Variants in HS3ST4 observed in about 807,000 individuals in gnomAD.
The protein encoded by HS3ST4 is heparan sulfate glucosamine 3-O-sulfotransferase 4.
In HS3ST4, 17 loss-of-function variants were observed where a neutral mutation model predicts 29.2. The ratio of observed to expected loss-of-function variants is 0.58; its 90% CI spans 0.40 to 0.87. HS3ST4 has a LOEUF of 0.87. Ranked by LOEUF, HS3ST4 falls within the 40% of genes least tolerant of loss-of-function variation. HS3ST4 has a pLI of 0.00. For missense variants in HS3ST4, 627 were observed against 634.5 expected, an observed-to-expected ratio of 0.99 and a Z score of 0.13; for synonymous variants, 314 against 285.7, an observed-to-expected ratio of 1.10 and a Z score of -1.00.
At chr16:25,783,517 C>T (rs905639325) in intron 1 of HS3ST4, among the ~76,000 whole-genome samples, 10 of 150,920 alleles carry the variant, frequency 6.6e-5, no homozygotes, top group African/African-American at 1.7e-4. Flanking sequence ...TTCCTGCATT[C>T]CAGACTCTTG....
intron 1 of HS3ST4, among the ~76,000 whole-genome samples, chr16:25,848,658 A>G (rs1967489574): frequency 6.6e-6 from 1 of 151,976 alleles, no homozygotes; most frequent in Non-Finnish European, 1.5e-5. Context: ...ATTTCTTGCC[A>G]GGTCTTACAG....
At chr16:26,027,892 A>G (rs1969491063) in intron 1 of HS3ST4, among the ~76,000 whole-genome samples, 1 of 152,196 alleles carries the variant, frequency 6.6e-6, no homozygotes, top group African/African-American at 2.4e-5. Flanking sequence ...TTGCAAAACT[A>G]AGGATGTGGC....
chr16:25,781,156 C>T (rs1966852247), intron 1 of HS3ST4, among the ~76,000 whole-genome samples: 1 of 152,178 alleles, frequency 6.6e-6, no homozygotes, highest in African/African-American at 2.4e-5. Flanking sequence ...TCTGTCCTCT[C>T]CAGGATTGAA....
At chr16:25,898,991 C>A (rs1051564571) in intron 1 of HS3ST4, among the ~76,000 whole-genome samples, 4 of 152,212 alleles carry the variant, frequency 2.6e-5, no homozygotes, top group Admixed American at 1.3e-4. Context: ...ACAAGATGGA[C>A]CCTAACTTGT....
chr16:26,114,419 T>A (rs1899175370), intron 1 of HS3ST4, among the ~76,000 whole-genome samples: 1 of 152,166 alleles, frequency 6.6e-6, no homozygotes. Flanking sequence ...GACACATTAG[T>A]TCCCTGCAAA....
Position 25,770,891 on chromosome 16 carries a change from C to T in HS3ST4, c.734+77740C>T, listed in dbSNP as rs549438866. On this transcript the variant is annotated intron_variant, in intron 1 of 1. Transcript: ENST00000331351. ...AGTGCTTATGACGTGTTGGGAACTG[C>T]GCTAAGTGTTTTATACACATTGTCA... Among the ~76,000 whole-genome samples the T allele has an allele frequency of 9.9e-5, 15 of 152,188 alleles. No individual in the cohort carries two copies. In the South Asian group the frequency reaches 2.5e-3, roughly 25 times the overall value.
chr16:25,716,467 G>A (rs1966455050), intron 1 of HS3ST4, among the ~76,000 whole-genome samples: 1 of 152,200 alleles, frequency 6.6e-6, no homozygotes, highest in Admixed American at 6.5e-5. Flanking sequence ...AGAACCTGAT[G>A]GTTGAAGCTT....
rs1445729494 is a variant in HS3ST4 at position 25,873,304 on chromosome 16, ATCCATCCATCCATCCATCCTTCCT to A, written c.734+180157_734+180180del. On this transcript the variant is annotated intron_variant, in intron 1 of 1. Transcript: ENST00000331351. ...CATCCATCCATCCATCCATCCATCC[ATCCATCCATCCATCCATCCTTCCT>A]TCCTTCCTTTCATCCATCTATCCAT... Among the ~76,000 whole-genome samples, 865 of 116,872 alleles carry A rather than the reference ATCCATCCATCCATCCATCCTTCCT, an allele frequency of 7.4e-3. 11 individuals are homozygous for A. The highest frequency in any genetic ancestry group is 0.027 in the African/African-American group (818 of 30,790). The allele number at this position is 116,872 out of a possible 152,430, so 76.7% of individuals were successfully genotyped here. A position where few individuals can be genotyped will look rare whatever the true frequency, so the allele number is the denominator to read the frequency against.
At chr16:25,752,876 C>T (rs942171167) in intron 1 of HS3ST4, among the ~76,000 whole-genome samples, 2 of 152,194 alleles carry the variant, frequency 1.3e-5, no homozygotes, top group Non-Finnish European at 2.9e-5. Context: ...GAGTTTTTCT[C>T]ATAAACTGTT....
intron 1 of HS3ST4, among the ~76,000 whole-genome samples, chr16:26,033,102 G>A (rs1231714297): frequency 2.0e-5 from 3 of 152,180 alleles, no homozygotes; most frequent in African/African-American, 7.2e-5. Flanking sequence ...CAGGTGGCCG[G>A]GTGCAGTGGC....
chr16:25,873,592 TCATC>T (rs1199814055), intron 1 of HS3ST4, among the ~76,000 whole-genome samples: 3 of 136,866 alleles, frequency 2.2e-5, no homozygotes, highest in African/African-American at 5.5e-5. Context: ...ATCCATCCAT[TCATC>T]CATCCATCCA....
chr16:25,998,238 AC>A (rs1213911400), intron 1 of HS3ST4, among the ~76,000 whole-genome samples: 1 of 152,102 alleles, frequency 6.6e-6, no homozygotes, highest in Non-Finnish European at 1.5e-5. Context: ...CTGAGGTTGC[AC>A]CACTGCACTC....
intron 1 of HS3ST4, among the ~76,000 whole-genome samples, chr16:26,062,527 C>G (rs181483013): frequency 2.1e-3 from 317 of 152,216 alleles, no homozygotes; most frequent in Middle Eastern, 6.8e-3. Flanking sequence ...GTACCTGAAC[C>G]TTGGCCCGAT....
intron 1 of HS3ST4, among the ~76,000 whole-genome samples, chr16:25,734,563 G>A (rs1299902521): frequency 6.6e-6 from 1 of 152,248 alleles, no homozygotes; most frequent in African/African-American, 2.4e-5. Flanking sequence ...AGGTGCTGGG[G>A]TATGATGGAG....
chr16:25,716,828 C>T (rs891599308), intron 1 of HS3ST4, among the ~76,000 whole-genome samples: 6 of 152,092 alleles, frequency 3.9e-5, no homozygotes, highest in African/African-American at 1.2e-4. Context: ...CTGAGACAGG[C>T]GGATCACCTG....
At position 25,838,364 on chromosome 16, in the gene HS3ST4, G is replaced by A. The variant is rs565472447; in HGVS notation, c.734+145213G>A. Among the ~76,000 whole-genome samples the A allele has an allele frequency of 3.5e-4, 54 of 152,170 alleles. No individual in the cohort carries two copies. In the South Asian group the frequency reaches 1.0e-2, roughly 28 times the overall value. On this transcript the variant is annotated intron_variant, in intron 1 of 1. Transcript: ENST00000331351. ...GCATGCTCTCTCTCTCTTTCATTCA[G>A]CATTTACTTATGCACCTGCCATTTG...
intron 1 of HS3ST4, among the ~76,000 whole-genome samples, chr16:25,751,830 A>T (rs1006185473): frequency 7.2e-5 from 11 of 152,192 alleles, no homozygotes; most frequent in African/African-American, 2.7e-4. Flanking sequence ...GCTGGAAGGT[A>T]CAAGGAGGAA....
chr16:26,032,457 C>T, intron 1 of HS3ST4: 1 of 922,476 alleles, frequency 1.1e-6, no homozygotes, highest in African/African-American at 1.7e-5. Context: ...CAAAATTCCA[C>T]ATTTTTATAA....
At chr16:25,859,272 A>T (rs1189865350) in intron 1 of HS3ST4, among the ~76,000 whole-genome samples, 1 of 152,208 alleles carries the variant, frequency 6.6e-6, no homozygotes, top group East Asian at 1.9e-4. Context: ...AGCAAACGGA[A>T]ATTAAATGAG....
Sources: gnomAD v4.1 joint callset for allele counts (sites outside exome capture counted in the v4.1 genomes callset) on GRCh38, gnomAD v4.1.1 for gene constraint, MANE v1.5 for transcripts, NCBI Gene and HGNC (gene_info 2026-07-23, HGNC 2026-07-21) for gene names.